The following DGKK variants were observed in gnomAD, a reference collection of about 807,000 sequenced individuals.
DGKK encodes 142 kDa diacylglycerol kinase.
In DGKK, 35 loss-of-function variants were observed where a neutral mutation model predicts 92.2. The observed-to-expected ratio is 0.38, with a 90% CI of 0.29 to 0.50. DGKK has a LOEUF of 0.50. Ranked by LOEUF, DGKK falls within the 20% of genes least tolerant of loss-of-function variation. The pLI is 0.92. For missense variants in DGKK, 910 were observed against 992.2 expected, an observed-to-expected ratio of 0.92 and a Z score of 1.11; for synonymous variants, 368 against 360.6, an observed-to-expected ratio of 1.02 and a Z score of -0.23.
intron 1 of DGKK, among the ~76,000 whole-genome samples, chrX:50,427,411 T>C (rs1557229818): frequency 1.8e-5 from 2 of 110,232 alleles, no homozygotes; most frequent in African/African-American, 6.6e-5. Flanking sequence ...GATACTACCC[T>C]GTATGATACT....
At chrX:50,452,050 T>C (rs1185448950) in intron 1 of DGKK, among the ~76,000 whole-genome samples, 2 of 112,103 alleles carry the variant, frequency 1.8e-5, no homozygotes, top group Non-Finnish European at 3.8e-5. Flanking sequence ...GGCACTGAAC[T>C]AAGAACTTGA....
At chrX:50,462,882 CTTTTTTTTTTTTT>C (rs548003185) in intron 1 of DGKK, among the ~76,000 whole-genome samples, 14 of 15,788 alleles carry the variant, frequency 8.9e-4, no homozygotes, top group Admixed American at 1.5e-3. Context: ...CCTTTCCTTG[CTTTTTTTTTTTTT>C]TTTTTTTTTT....
At chrX:50,420,884 G>A (rs1925567503) in intron 3 of DGKK, among the ~76,000 whole-genome samples, 1 of 111,545 alleles carries the variant, frequency 9.0e-6, no homozygotes, top group Admixed American at 9.5e-5. Flanking sequence ...CACCCAGCAG[G>A]TAAAAAACTA....
Position 50,393,157 on chromosome X carries a change from T to C in DGKK, c.1590A>G (p.Glu530=). The part of the protein sequence containing the change: ...QVFDLLKGGP[E]AGLSMFKNFA... ...TCCATGGGATACAGGCTTACCCTGC[T>C]TCAGGTCCACCCTTCAATAAGTCGA... Residue 530 remains glutamate, a synonymous_variant, in exon 9 of 28, where the codon GAA becomes GAG. Transcript: ENST00000611977. 1 of 1,207,607 alleles carries C rather than the reference T, an allele frequency of 8.3e-7. No individual in the cohort carries two copies. Among genetic ancestry groups the C allele is most frequent in the Non-Finnish European group, 1.1e-6 (1 of 892,608 alleles).
chrX:50,406,291 C>T (rs1292549494), intron 4 of DGKK, among the ~76,000 whole-genome samples: 1 of 111,834 alleles, frequency 8.9e-6, no homozygotes, highest in Non-Finnish European at 1.9e-5. Context: ...ATTTATATTC[C>T]TTGTGTACAT....
At chrX:50,412,280 A>C (rs1291646119) in intron 4 of DGKK, among the ~76,000 whole-genome samples, 3 of 112,383 alleles carry the variant, frequency 2.7e-5, no homozygotes, top group Non-Finnish European at 5.6e-5. Flanking sequence ...CATACTGAAA[A>C]CTATAGAAGA....
At chrX:50,420,296 G>A (rs1401340060) in intron 4 of DGKK, 107 bp downstream of exon 4, 2 of 662,777 alleles carry the variant, frequency 3.0e-6, no homozygotes, top group Admixed American at 6.4e-5. Context: ...CTAAACAGGT[G>A]GTCTCTGCTT....
chrX:50,414,404 G>C (rs1481887101), intron 4 of DGKK, among the ~76,000 whole-genome samples: 1 of 111,264 alleles, frequency 9.0e-6, no homozygotes, highest in South Asian at 3.8e-4. Flanking sequence ...TAATTAGCTT[G>C]ATTTAATCAT....
At position 50,371,721 on chromosome X, in the gene DGKK, C is replaced by T. The variant is rs1557223220; in HGVS notation, c.3612+3G>A. On this transcript the variant is annotated splice_donor_region_variant and intron_variant, in intron 26 of 27. Coordinates refer to ENST00000611977, the MANE Select transcript of DGKK (RefSeq NM_001013742.4). ...TTATTTCCCAATTCCCAAGATTACG[C>T]ACCTCTGGAACAAAGATTGGATTCA... is the stretch of plus-strand genomic sequence containing the variant. 5.9e-6 allele frequency: 7 copies of T among 1,176,815 alleles called. No individual in the cohort carries two copies. Among genetic ancestry groups the T allele is most frequent in the South Asian group, 1.8e-5 (1 of 54,577 alleles).
chrX:50,393,784 T>C (rs782164136), intron 8 of DGKK, among the ~76,000 whole-genome samples: 1 of 111,703 alleles, frequency 9.0e-6, no homozygotes, highest in Non-Finnish European at 1.9e-5. Context: ...GATACCTCAG[T>C]TCTTATAGTG....
rs782533063 is a variant in DGKK at position 50,376,032 on chromosome X, G to A, written c.3406C>T (p.Pro1136Ser). Residue 1136 changes from proline (P) to serine (S), a missense_variant, in exon 24 of 28, where the codon CCC becomes TCC. Pro to Ser is a moderately conservative substitution (Grantham distance 74). Coordinates refer to ENST00000611977, the MANE Select transcript of DGKK (RefSeq NM_001013742.4). ...CACTCCTTTCTACTTACTTCAATGG[G>A]AATACAGGAAGCTGCACCCATCTCA... Reference protein sequence around the residue: ...GNEMGAASCIPIETLSRNDAV... With the variant: ...GNEMGAASCISIETLSRNDAV... 8.3e-7 allele frequency: 1 copy of A among 1,209,586 alleles called. No individual in the cohort carries two copies. The highest frequency in any genetic ancestry group is 1.8e-5 in the South Asian group (1 of 56,437).
At chrX:50,396,110 A>G (rs782362513) in intron 8 of DGKK, among the ~76,000 whole-genome samples, 6 of 112,404 alleles carry the variant, frequency 5.3e-5, no homozygotes, top group Non-Finnish European at 1.1e-4. Flanking sequence ...GTGTATCCAT[A>G]CAGCAGAATA....
chrX:50,411,531 G>GA (rs1198258902), intron 4 of DGKK, among the ~76,000 whole-genome samples: 1 of 111,083 alleles, frequency 9.0e-6, no homozygotes, highest in African/African-American at 3.3e-5. Context: ...ATTTAAAAAA[G>GA]AAAAAAACCT....
chrX:50,446,264 T>C (rs1557231853), intron 1 of DGKK, among the ~76,000 whole-genome samples: 3 of 111,374 alleles, frequency 2.7e-5, no homozygotes, highest in African/African-American at 9.8e-5. Flanking sequence ...TATTTGGATG[T>C]CCTTTATTTC....
intron 1 of DGKK, among the ~76,000 whole-genome samples, chrX:50,468,148 A>G (rs370171066): frequency 3.7e-4 from 41 of 112,148 alleles, no homozygotes; most frequent in African/African-American, 1.3e-3. Flanking sequence ...TCTGTCTGGC[A>G]ATGACATTTT....
At chrX:50,426,676 T>C (rs956960640) in intron 1 of DGKK, among the ~76,000 whole-genome samples, 1 of 111,650 alleles carries the variant, frequency 9.0e-6, no homozygotes, top group Non-Finnish European at 1.9e-5. Context: ...AAGTTTTCTA[T>C]ATCTCCCCAT....
chrX:50,407,893 G>C (rs1925198913), intron 4 of DGKK, among the ~76,000 whole-genome samples: 1 of 112,382 alleles, frequency 8.9e-6, no homozygotes, highest in Non-Finnish European at 1.9e-5. Flanking sequence ...GACTGAACTT[G>C]GACTTAAGGG....
chrX:50,430,966 C>A (rs1034332465), intron 1 of DGKK, among the ~76,000 whole-genome samples: 1 of 111,413 alleles, frequency 9.0e-6, no homozygotes, highest in African/African-American at 3.3e-5. Context: ...CTGCTGTGAC[C>A]TTTTCCTATG....
chrX:50,453,685 G>A, intron 1 of DGKK, among the ~76,000 whole-genome samples: 1 of 111,538 alleles, frequency 9.0e-6, no homozygotes, highest in African/African-American at 3.3e-5. Flanking sequence ...AACTGGCCCT[G>A]TATAAAATGC....
Sources: allele counts gnomAD v4.1 joint callset (sites outside exome capture counted in the v4.1 genomes callset), GRCh38; gene constraint gnomAD v4.1.1; transcripts MANE v1.5; gene names NCBI Gene and HGNC (gene_info 2026-07-23, HGNC 2026-07-21).